DZANK1: variants seen among roughly 807,000 people sequenced by gnomAD.
The protein encoded by DZANK1 is double zinc ribbon and ankyrin repeat domains 1.
Under a neutral mutation model 94.5 loss-of-function variants are expected in DZANK1, and 91 were observed. The observed-to-expected ratio is 0.96, with a 90% CI of 0.81 to 1.15. The LOEUF is 1.15. Ranked by LOEUF, DZANK1 falls within the 50% of genes most tolerant of loss-of-function variation. The pLI is 0.00. For synonymous variants in DZANK1, 312 were observed against 325.3 expected, an observed-to-expected ratio of 0.96 and a Z score of 0.44; for missense variants, 903 against 916.4, an observed-to-expected ratio of 0.99 and a Z score of 0.19.
intron 10 of DZANK1, among the ~76,000 whole-genome samples, 168 bp downstream of exon 10, chr20:18,426,899 T>C (rs145596199): frequency 6.6e-6 from 1 of 152,362 alleles, no homozygotes; most frequent in Non-Finnish European, 1.5e-5. Flanking sequence ...AAACAATTTG[T>C]ATTGATATAA....
intron 10 of DZANK1, among the ~76,000 whole-genome samples, chr20:18,417,034 C>CAAAAAAAAAAAAA (rs55889297): frequency 1.8e-4 from 25 of 139,848 alleles, no homozygotes; most frequent in South Asian, 4.4e-4. Flanking sequence ...CAAAAAAAAA[C>CAAAAAAAAAAAAA]AAAAAAAAAA....
In DZANK1 at chr20:18,427,178, GACAT is replaced by G. The variant is rs768180569; in HGVS notation, c.862-23_862-20del. 1 of 1,588,722 alleles carries G rather than the reference GACAT, an allele frequency of 6.3e-7. No homozygotes were observed. Among genetic ancestry groups the G allele is most frequent in the South Asian group, 1.1e-5 (1 of 89,772 alleles). On this transcript the variant is annotated intron_variant, in intron 9 of 20. Transcript: ENST00000262547. ...CCTTCTCCTTAACAACAAAAAATAA[GACAT>G]ACATGTTCCTCTGAGCAAACAACTG...
chr20:18,433,420 T>C (rs1408326091), intron 9 of DZANK1: 1 of 467,096 alleles, frequency 2.1e-6, no homozygotes, highest in African/African-American at 2.0e-5. Flanking sequence ...TGCACGCCTG[T>C]AGTTCCAGCT....
At chr20:18,398,976 A>G (rs2056517341) in intron 13 of DZANK1, among the ~76,000 whole-genome samples, 1 of 151,992 alleles carries the variant, frequency 6.6e-6, no homozygotes, top group Admixed American at 6.6e-5. Flanking sequence ...TACTAATAAT[A>G]TAAAAATTAG....
intron 16 of DZANK1, 52 bp from the exon 17 acceptor site, chr20:18,393,863 CACAA>C (rs2056165895): frequency 7.6e-6 from 9 of 1,189,180 alleles, no homozygotes; most frequent in South Asian, 5.1e-5. Context: ...CAACTCCCCA[CACAA>C]ACAGTTATTT....
chr20:18,443,268 G>T, intron 8 of DZANK1, 79 bp downstream of exon 8: 2 of 938,444 alleles, frequency 2.1e-6, no homozygotes, highest in Non-Finnish European at 3.4e-6. Context: ...CAGTTCATGT[G>T]TACCAAGCAC....
intron 10 of DZANK1, among the ~76,000 whole-genome samples, chr20:18,422,514 T>C (rs1349604254): frequency 6.6e-6 from 1 of 152,208 alleles, no homozygotes; most frequent in Non-Finnish European, 1.5e-5. Context: ...ATGTGATGGG[T>C]CACAGTTGAA....
At chr20:18,447,624 G>A (rs935117967) in intron 7 of DZANK1, among the ~76,000 whole-genome samples, 3 of 151,982 alleles carry the variant, frequency 2.0e-5, no homozygotes, top group Non-Finnish European at 2.9e-5. Flanking sequence ...CACTGCACCC[G>A]GACTATAATG....
intron 13 of DZANK1, 73 bp from the exon 14 acceptor site, chr20:18,398,699 C>T: frequency 7.1e-7 from 1 of 1,415,338 alleles, no homozygotes. Flanking sequence ...TAGCATGGAA[C>T]ATATGTTCTT....
chr20:18,447,704 A>G (rs1436828465), intron 7 of DZANK1, among the ~76,000 whole-genome samples: 1 of 152,184 alleles, frequency 6.6e-6, no homozygotes, highest in Non-Finnish European at 1.5e-5. Context: ...AAATAAGCAC[A>G]TGAAAAGAGG....
intron 2 of DZANK1, among the ~76,000 whole-genome samples, chr20:18,464,841 A>G (rs1402887966): frequency 6.6e-6 from 1 of 151,902 alleles, no homozygotes; most frequent in Non-Finnish European, 1.5e-5. Flanking sequence ...ATGTCTGGCT[A>G]ATTTTTGTAT....
chr20:18,440,011 G>A (rs1006845501), intron 8 of DZANK1, among the ~76,000 whole-genome samples: 1 of 152,068 alleles, frequency 6.6e-6, no homozygotes, highest in Admixed American at 6.6e-5. Flanking sequence ...GATCCAATAT[G>A]ACTGATGTCT....
chr20:18,426,715 T>G (rs932071569), intron 10 of DZANK1, among the ~76,000 whole-genome samples: 1 of 152,088 alleles, frequency 6.6e-6, no homozygotes, highest in Non-Finnish European at 1.5e-5. Flanking sequence ...ACGAAGACAA[T>G]GGACTATGGG....
At chr20:18,405,715 T>C (rs144281197) in intron 13 of DZANK1, among the ~76,000 whole-genome samples, 69 of 152,318 alleles carry the variant, frequency 4.5e-4, no homozygotes, top group Admixed American at 2.2e-3. Flanking sequence ...AAAAGCACCA[T>C]TACATGAACC....
At chr20:18,455,303 T>C (rs776581968) in exon 4 of DZANK1, 2 of 1,610,150 alleles carry the variant, frequency 1.2e-6, no homozygotes, top group Non-Finnish European at 1.7e-6. Flanking sequence ...GAGACTATAT[T>C]TGGTGGTTCA....
At chr20:18,403,400 G>T (rs1297967388) in intron 13 of DZANK1, among the ~76,000 whole-genome samples, 1 of 152,180 alleles carries the variant, frequency 6.6e-6, no homozygotes, top group Non-Finnish European at 1.5e-5. Context: ...TCTCCATCCA[G>T]AGCATTGGCT....
chr20:18,395,386 C>A lies in DZANK1; in HGVS notation c.1612-1036G>T, dbSNP rs77719682. On this transcript the variant is annotated intron_variant, in intron 15 of 20. Transcript: ENST00000262547. The stretch of plus-strand genomic sequence containing the variant: ...CAAAACAAAGCAAAACAAAACCAAA[C>A]CAAAACAAAACAATGACCTGGGAAC... 4.7e-3 allele frequency among the ~76,000 whole-genome samples: 718 copies of A among 152,180 alleles called. 7 individuals are homozygous for A. The highest frequency in any genetic ancestry group is 0.017 in the African/African-American group (687 of 41,522).
chr20:18,463,687 G>GCACATACAT (rs1288974838), intron 2 of DZANK1, among the ~76,000 whole-genome samples: 1 of 151,928 alleles, frequency 6.6e-6, no homozygotes, highest in Non-Finnish European at 1.5e-5. Flanking sequence ...AGAATTATGG[G>GCACATACAT]CACATACATT....
At chr20:18,383,532 A>C (rs568679187) in exon 21 of DZANK1, 55 of 152,330 alleles carry the variant, frequency 3.6e-4, no homozygotes, top group African/African-American at 1.2e-3. Context: ...ACAGAGCAAG[A>C]TACAGAACAG....
Sources: gnomAD v4.1 joint callset for allele counts (sites outside exome capture counted in the v4.1 genomes callset) on GRCh38, gnomAD v4.1.1 for gene constraint, MANE v1.5 for transcripts, NCBI Gene and HGNC (gene_info 2026-07-23, HGNC 2026-07-21) for gene names.